Variants in FYB1 observed in about 807,000 individuals in gnomAD.
FYB1 encodes FYN-binding protein 1.
In FYB1, 41 loss-of-function variants were observed where a neutral mutation model predicts 94.1. That is an observed-to-expected ratio of 0.44 (90% CI 0.34 to 0.57). The LOEUF (loss-of-function observed/expected upper bound fraction) is 0.57, where lower values mean the gene tolerates loss of function less well. Ranked by LOEUF, FYB1 falls within the 20% of genes least tolerant of loss-of-function variation. The pLI is 0.02. For synonymous variants in FYB1, 367 were observed against 353.2 expected (o/e 1.04, Z -0.44); for missense variants, 1,050 against 976.8 (o/e 1.07, Z -1.00).
At chr5:39,212,588 A>G (rs1375777495) in intron 1 of FYB1, 2 of 152,250 alleles carry the variant, frequency 1.3e-5, no homozygotes, top group Non-Finnish European at 1.5e-5. Context: ...TCAGGATTAA[A>G]CAATATAAGC....
rs564989516 is a variant in FYB1, at chr5:39,209,927, A to G, written c.-27-6940T>C. 4.6e-5 allele frequency among the ~76,000 whole-genome samples: 7 copies of G among 152,306 alleles called. No individual in the cohort carries two copies. In the East Asian group the frequency reaches 1.4e-3, roughly 29 times the overall value. On this transcript the variant is annotated intron_variant, in intron 1 of 18. Transcript: ENST00000512982. ...TGTGATTTAAGCACTTGCCAATTGAATATCTATTTCATTGCAAATGGGCTG... is the reference window on the plus strand; with the variant it reads ...TGTGATTTAAGCACTTGCCAATTGAGTATCTATTTCATTGCAAATGGGCTG...
upstream of FYB1, chr5:39,219,576 T>A: frequency 3.0e-6 from 3 of 985,476 alleles, no homozygotes; most frequent in Non-Finnish European, 3.6e-6. Context: ...AGCTTTCTGA[T>A]GCCTGGCAGG....
intron 2 of FYB1, among the ~76,000 whole-genome samples, chr5:39,183,391 G>T (rs1428829266): frequency 1.3e-5 from 2 of 152,176 alleles, no homozygotes; most frequent in Non-Finnish European, 2.9e-5. Context: ...CATTGGACCT[G>T]TTAGTATCTA....
At chr5:39,176,735 AG>A (rs1252841681) in intron 2 of FYB1, among the ~76,000 whole-genome samples, 1 of 152,222 alleles carries the variant, frequency 6.6e-6, no homozygotes, top group Admixed American at 6.5e-5. Context: ...TTCAGAAATG[AG>A]GCTTTTTGTT....
chr5:39,131,232 C>A (rs937722712), intron 9 of FYB1, among the ~76,000 whole-genome samples: 6 of 152,068 alleles, frequency 3.9e-5, no homozygotes, highest in Non-Finnish European at 2.9e-5. Flanking sequence ...TGTCTGTTTT[C>A]TTGCCTATAT....
At chr5:39,208,814 C>T (rs1001488646) in intron 1 of FYB1, 3 of 152,078 alleles carry the variant, frequency 2.0e-5, no homozygotes, top group Non-Finnish European at 4.4e-5. Context: ...GGAGGTGTAA[C>T]AAAAAGACTG....
At position 39,127,601 on chromosome 5, in the gene FYB1, C is replaced by T. The variant is rs77912788; in HGVS notation, c.1907+140G>A. ...AATTACACTTCCTGGTTTACAATTGCTGTTAATTAAACATTCAAATCATTT... is the reference window on the plus strand; with the variant it reads ...AATTACACTTCCTGGTTTACAATTGTTGTTAATTAAACATTCAAATCATTT... On this transcript the variant is annotated intron_variant, in intron 11 of 18. Coordinates refer to ENST00000512982, the MANE Select transcript of FYB1 (RefSeq NM_001465.6). 6,820 of 885,052 alleles carry T rather than the reference C, an allele frequency of 7.7e-3. 210 individuals carry two copies. The highest frequency in any genetic ancestry group is 0.071 in the African/African-American group (4,000 of 56,304). 54.8% of individuals were successfully genotyped at this position (885,052 alleles called of 1,614,324 possible).
intron 1 of FYB1, among the ~76,000 whole-genome samples, chr5:39,236,560 G>T (rs906390911): frequency 6.6e-6 from 1 of 151,982 alleles, no homozygotes; most frequent in Admixed American, 6.6e-5. Flanking sequence ...AATTTGTAGG[G>T]GGTACAGATT....
chr5:39,122,494 C>T (rs1314911449), intron 13 of FYB1, 92 bp from the exon 14 acceptor site: 8 of 759,020 alleles, frequency 1.1e-5, no homozygotes, highest in Non-Finnish European at 1.8e-5. Context: ...AAGATTGCTT[C>T]AAGGACAATA....
chr5:39,161,614 A>C (rs1341140909), intron 2 of FYB1, among the ~76,000 whole-genome samples: 1 of 151,620 alleles, frequency 6.6e-6, no homozygotes, highest in Non-Finnish European at 1.5e-5. Context: ...ATGACAGTGG[A>C]GTTCTCCATT....
At chr5:39,160,589 GC>G (rs1273581691) in intron 2 of FYB1, among the ~76,000 whole-genome samples, 1 of 152,196 alleles carries the variant, frequency 6.6e-6, no homozygotes, top group Non-Finnish European at 1.5e-5. Context: ...AGTTATTGAG[GC>G]CAGGGCTTGA....
chr5:39,259,752 A>G (rs1334370944), intron 1 of FYB1, among the ~76,000 whole-genome samples: 1 of 152,238 alleles, frequency 6.6e-6, no homozygotes. Flanking sequence ...AAACAAAAAC[A>G]TGCACATATT....
intron 1 of FYB1, among the ~76,000 whole-genome samples, chr5:39,215,136 T>C (rs954297536): frequency 4.6e-5 from 7 of 152,180 alleles, no homozygotes; most frequent in African/African-American, 1.4e-4. Flanking sequence ...TGCGAATGTA[T>C]GTAATGCCAC....
intron 1 of FYB1, among the ~76,000 whole-genome samples, chr5:39,210,215 G>T (rs1003002142): frequency 6.6e-6 from 1 of 152,186 alleles, no homozygotes; most frequent in Non-Finnish European, 1.5e-5. Context: ...TGCCCTGTCT[G>T]CTATGGCCTT....
rs992041066 is a variant in FYB1, at chr5:39,137,846, G to A, written c.1395-126C>T. The A allele has an allele frequency of 1.5e-5, 19 of 1,282,740 alleles. No individual in the cohort carries two copies. In the East Asian group the frequency reaches 2.1e-4, roughly 14 times the overall value. The allele number at this position is 1,282,740 out of a possible 1,614,324, so 79.5% of individuals were successfully genotyped here. ...TGAAGTACAGTTGAAGGTAAAAAGC[G>A]AAAGGTTGTCAAAATCCGGAATGTG... On this transcript the variant is annotated intron_variant, in intron 6 of 18. Transcript: ENST00000512982.
At chr5:39,128,066 A>G (rs190779776) in intron 10 of FYB1, among the ~76,000 whole-genome samples, 26 of 152,198 alleles carry the variant, frequency 1.7e-4, no homozygotes, top group Admixed American at 5.2e-4. Flanking sequence ...GAGAAAAAGT[A>G]AACTTAAATA....
intron 2 of FYB1, among the ~76,000 whole-genome samples, chr5:39,174,806 A>G (rs577880268): frequency 8.5e-5 from 13 of 152,312 alleles, no homozygotes; most frequent in Admixed American, 3.3e-4. Flanking sequence ...CAGCATCTCA[A>G]TGGTGAAATA....
chr5:39,137,115 G>C (rs1741734847), intron 7 of FYB1, among the ~76,000 whole-genome samples: 1 of 111,928 alleles, frequency 8.9e-6, no homozygotes, highest in Admixed American at 8.0e-5. Context: ...CATGTACACA[G>C]ACTTAAAGGC....
intron 10 of FYB1, among the ~76,000 whole-genome samples, chr5:39,130,007 T>C (rs1477864590): frequency 6.6e-6 from 1 of 151,964 alleles, no homozygotes; most frequent in African/African-American, 2.4e-5. Context: ...AGAATCAACC[T>C]AATTATCATT....
Sources: gnomAD v4.1 joint callset for allele counts (sites outside exome capture counted in the v4.1 genomes callset) on GRCh38, gnomAD v4.1.1 for gene constraint, MANE v1.5 for transcripts, NCBI Gene and HGNC (gene_info 2026-07-23, HGNC 2026-07-21) for gene names.